The following ZNF248 variants were observed in gnomAD, a reference collection of about 807,000 sequenced individuals.
The protein encoded by ZNF248 is KRAB protein domain.
A neutral mutation model predicts 44.3 loss-of-function variants in ZNF248; 20 were observed. That is an observed-to-expected ratio of 0.45 (90% CI 0.32 to 0.66). ZNF248 has a LOEUF of 0.66. ZNF248 is among the 30% of genes least tolerant of loss of function. The probability of loss-of-function intolerance (pLI) is 0.04; values close to 1 mark genes in which losing one functional copy is unlikely to be tolerated. For synonymous variants in ZNF248, 224 were observed against 229.0 expected, an observed-to-expected ratio of 0.98 and a Z score of 0.20; for missense variants, 654 against 677.0, an observed-to-expected ratio of 0.97 and a Z score of 0.38.
At chr10:37,824,563 A>C (rs2054031718), downstream of ZNF248, among the ~76,000 whole-genome samples, 1 of 152,012 alleles carries the variant, frequency 6.6e-6, no homozygotes, top group Admixed American at 6.6e-5. Flanking sequence ...AATATACTTG[A>C]TATGGAAATA....
At chr10:37,828,185 T>C (rs911241738), downstream of ZNF248, among the ~76,000 whole-genome samples, 4 of 152,194 alleles carry the variant, frequency 2.6e-5, no homozygotes, top group Non-Finnish European at 5.9e-5. Context: ...TTGGTTTACA[T>C]GCATGTGTTA....
At chr10:37,819,218 C>T in intron 6 of ZNF248, 1 of 819,370 alleles carries the variant, frequency 1.2e-6, no homozygotes, top group Non-Finnish European at 2.2e-6. Context: ...GATAATGGAC[C>T]AGGCCTCTTT....
chr10:37,804,433 T>C (rs2050259082), intron 6 of ZNF248, among the ~76,000 whole-genome samples: 1 of 151,866 alleles, frequency 6.6e-6, no homozygotes, highest in African/African-American at 2.4e-5. Context: ...ATTTTATGTA[T>C]TTATTTATTT....
At chr10:37,850,300 A>G (rs935823003) in intron 3 of ZNF248, among the ~76,000 whole-genome samples, 2 of 152,226 alleles carry the variant, frequency 1.3e-5, no homozygotes, top group African/African-American at 4.8e-5. Context: ...TAAGAAAGAT[A>G]AAAAATGCTA....
intron 6 of ZNF248, among the ~76,000 whole-genome samples, chr10:37,777,730 T>G (rs2046763645): frequency 7.5e-6 from 1 of 134,088 alleles, no homozygotes; most frequent in Admixed American, 8.8e-5. Flanking sequence ...ATTCCCCTTC[T>G]TGTGTCCATG....
rs1322103243 is a variant in ZNF248, at chr10:37,832,909, T to C, written c.446A>G (p.Asn149Ser). 4.3e-6 allele frequency: 7 copies of C among 1,613,236 alleles called. No individual in the cohort carries two copies. The highest frequency in any genetic ancestry group is 3.3e-4 in the Middle Eastern group (2 of 6,054). The part of the protein sequence containing the change: ...ICDSCEMNLK[N>S]ISGLIISKKN... The stretch of plus-strand genomic sequence containing the variant: ...TTTACTAATAATTAAGCCCGAAATA[T>C]TTTTCAAATTCATTTCACATGAGTC... Residue 149 changes from asparagine to serine, a missense_variant, in exon 6 of 6, where the codon AAT becomes AGT. By Grantham distance (46) the Asn-to-Ser change is conservative. Transcript: ENST00000395867.
At chr10:37,763,380 TC>T in the ZNF248 span, among the ~76,000 whole-genome samples, 1 of 152,194 alleles carries the variant, frequency 6.6e-6, no homozygotes, top group South Asian at 2.1e-4. Context: ...GCGAGTGATC[TC>T]CCTAAGCAAA....
At chr10:37,843,912 G>A (rs1160175929) in intron 3 of ZNF248, among the ~76,000 whole-genome samples, 4 of 152,116 alleles carry the variant, frequency 2.6e-5, no homozygotes, top group Non-Finnish European at 5.9e-5. Context: ...GAGCCTAAGG[G>A]ACCTGTGGGA....
At chr10:37,805,691 A>C (rs982261376) in intron 6 of ZNF248, among the ~76,000 whole-genome samples, 1 of 152,206 alleles carries the variant, frequency 6.6e-6, no homozygotes, top group Admixed American at 6.5e-5. Flanking sequence ...CACTGGGTCA[A>C]TGTGCATGAT....
chr10:37,854,854 A>C (rs930554898), intron 3 of ZNF248, among the ~76,000 whole-genome samples: 3 of 152,242 alleles, frequency 2.0e-5, no homozygotes, highest in African/African-American at 7.2e-5. Flanking sequence ...TCTGTCAGAG[A>C]AACATCTGTA....
chr10:37,780,177 T>C (rs1446586172), intron 6 of ZNF248, among the ~76,000 whole-genome samples: 3 of 151,406 alleles, frequency 2.0e-5, no homozygotes, highest in East Asian at 1.9e-4. Context: ...TTAAAGTTCA[T>C]ATGGAACCAA....
rs1406035063 is a variant in ZNF248, at chr10:37,791,111, TG to T, written c.331-14537del. Among the ~76,000 whole-genome samples the T allele has an allele frequency of 2.9e-5, 4 of 137,150 alleles. No homozygotes were observed. In the East Asian group the frequency reaches 8.9e-4, roughly 31 times the overall value. 90.0% of individuals were successfully genotyped at this position (137,150 alleles called of 152,430 possible). On this transcript the variant is annotated intron_variant, in intron 6 of 6. Coordinates refer to the ZNF248 transcript ENST00000615949. The stretch of plus-strand genomic sequence containing the variant: ...CTCTGTCTCCCAGGCTGTAGTGCAG[TG>T]GTGCGATCTGAACCTGCTTCCCGGG...
intron 6 of ZNF248, among the ~76,000 whole-genome samples, chr10:37,787,146 G>A (rs1158799064): frequency 6.6e-6 from 1 of 152,034 alleles, no homozygotes; most frequent in Non-Finnish European, 1.5e-5. Flanking sequence ...GGGCATGGTG[G>A]TACACGCCTG....
chr10:37,820,199 T>C (rs1444753663), intron 6 of ZNF248: 1 of 1,277,752 alleles, frequency 7.8e-7, no homozygotes, highest in Admixed American at 1.7e-5. Flanking sequence ...CAGATATTTT[T>C]TATATTGTGA....
rs2061285580 is a variant in ZNF248, at chr10:37,856,352, AG to A, written c.-27-16del. Reference sequence around the variant, plus strand: ...AGGAAGGAGAGCTGAAGGATTAGAAAGGAAGAATGTCAGGAGAGCCTTCGCC... The same window carrying A: ...AGGAAGGAGAGCTGAAGGATTAGAAAGAAGAATGTCAGGAGAGCCTTCGCC... On this transcript the variant is annotated splice_polypyrimidine_tract_variant and intron_variant, in intron 2 of 5. Coordinates refer to ENST00000395867, the MANE Select transcript of ZNF248 (RefSeq NM_021045.3). 6.2e-7 allele frequency: 1 copy of A among 1,613,260 alleles called. No individual in the cohort carries two copies. The highest frequency in any genetic ancestry group is 2.2e-5 in the East Asian group (1 of 44,862).
chr10:37,837,085 T>TAAA (rs67744511), intron 5 of ZNF248, among the ~76,000 whole-genome samples: 8,646 of 140,216 alleles, frequency 0.062, 321 homozygotes, highest in Middle Eastern at 0.1. Context: ...CTTTAAAATG[T>TAAA]AAAAAAAAAA....
chr10:37,783,269 T>G (rs1410597713), intron 6 of ZNF248, among the ~76,000 whole-genome samples: 1 of 152,170 alleles, frequency 6.6e-6, no homozygotes, highest in African/African-American at 2.4e-5. Flanking sequence ...ATGCCCCATC[T>G]TATTCCCAGG....
intron 3 of ZNF248, among the ~76,000 whole-genome samples, chr10:37,843,936 ACTAT>A (rs2058811273): frequency 6.6e-6 from 1 of 152,200 alleles, no homozygotes; most frequent in African/African-American, 2.4e-5. Context: ...CTTTGAGTGG[ACTAT>A]CTATCATACA....
intron 3 of ZNF248, among the ~76,000 whole-genome samples, chr10:37,851,121 G>A (rs1283809651): frequency 6.6e-6 from 1 of 152,108 alleles, no homozygotes; most frequent in African/African-American, 2.4e-5. Context: ...TTCTAAAATA[G>A]TAATGTGGGA....
Sources: gnomAD v4.1 joint callset for allele counts (sites outside exome capture counted in the v4.1 genomes callset) on GRCh38, gnomAD v4.1.1 for gene constraint, MANE v1.5 for transcripts, NCBI Gene and HGNC (gene_info 2026-07-23, HGNC 2026-07-21) for gene names.